Variants in DLG2 observed in about 807,000 individuals in gnomAD.
DLG2 encodes disks large homolog 2.
A neutral mutation model predicts 132.5 loss-of-function variants in DLG2; 45 were observed. That is an observed-to-expected ratio of 0.34 (90% CI 0.27 to 0.44). The LOEUF is 0.44. DLG2 is among the 20% of genes least tolerant of loss of function. The pLI is 1.00. For missense variants in DLG2, 1,045 were observed against 1,196.9 expected (o/e 0.87, Z 1.87); for synonymous variants, 424 against 419.6 (o/e 1.01, Z -0.13).
At chr11:83,542,544 C>T (rs1020905373) in intron 19 of DLG2, among the ~76,000 whole-genome samples, 2 of 152,146 alleles carry the variant, frequency 1.3e-5, no homozygotes, top group African/African-American at 4.8e-5. Flanking sequence ...CCATACGATG[C>T]CTAGCTTACC....
chr11:84,619,930 A>G (rs936942879), intron 6 of DLG2, among the ~76,000 whole-genome samples: 4 of 151,906 alleles, frequency 2.6e-5, no homozygotes, highest in African/African-American at 9.6e-5. Context: ...CCCAATAAGA[A>G]TTTTCACAAG....
intron 7 of DLG2, among the ~76,000 whole-genome samples, chr11:84,449,070 C>G (rs1204456710): frequency 6.6e-6 from 1 of 151,846 alleles, no homozygotes; most frequent in Non-Finnish European, 1.5e-5. Flanking sequence ...GTCATTGTAA[C>G]AAGTGTTCAA....
intron 4 of DLG2, among the ~76,000 whole-genome samples, chr11:85,226,212 A>G (rs918809051): frequency 6.6e-6 from 1 of 151,398 alleles, no homozygotes; most frequent in Non-Finnish European, 1.5e-5. Context: ...TGTTATATTT[A>G]ACAATATATG....
chr11:84,747,948 G>A (rs145913428), intron 6 of DLG2, among the ~76,000 whole-genome samples: 116 of 152,298 alleles, frequency 7.6e-4, no homozygotes, highest in African/African-American at 2.8e-3. Flanking sequence ...GACTAGACAA[G>A]TCATTTTCCC....
At chr11:85,441,984 A>C (rs2091802639) in intron 3 of DLG2, among the ~76,000 whole-genome samples, 1 of 152,126 alleles carries the variant, frequency 6.6e-6, no homozygotes, top group East Asian at 1.9e-4. Context: ...ATGAGAAGAA[A>C]ACCAGCCATG....
At chr11:85,285,858 G>T (rs1284613118) in intron 3 of DLG2, among the ~76,000 whole-genome samples, 1 of 151,840 alleles carries the variant, frequency 6.6e-6, no homozygotes, top group Non-Finnish European at 1.5e-5. Context: ...TGCAGAGGAT[G>T]ATGAAAATAT....
Position 83,589,364 on chromosome 11 carries a change from C to T in DLG2, c.1940+43847G>A, listed in dbSNP as rs1241621305. On this transcript the variant is annotated intron_variant, in intron 19 of 27. Transcript: ENST00000376104. ...CATTCTTAAAGAAAAGAATTTTCAA[C>T]CCAGAATTTCATATCCAGCCAAACT... Among the ~76,000 whole-genome samples the T allele has an allele frequency of 2.1e-3, 309 of 145,092 alleles. 1 individual carries two copies. The highest frequency in any genetic ancestry group is 3.6e-3 in the Non-Finnish European group (238 of 65,572).
At chr11:83,641,912 T>A (rs924307405) in intron 18 of DLG2, among the ~76,000 whole-genome samples, 7 of 149,760 alleles carry the variant, frequency 4.7e-5, no homozygotes, top group Non-Finnish European at 8.9e-5. Context: ...TGTGTGTGTG[T>A]GAGAGAGAGA....
chr11:85,552,826 T>C (rs1446158829), intron 3 of DLG2, among the ~76,000 whole-genome samples: 4 of 149,802 alleles, frequency 2.7e-5, no homozygotes, highest in Admixed American at 1.3e-4. Context: ...TAAATAGGAG[T>C]TCCAAGAGAG....
chr11:85,530,089 T>C (rs571397625), intron 3 of DLG2, among the ~76,000 whole-genome samples: 1 of 143,916 alleles, frequency 6.9e-6, no homozygotes, highest in South Asian at 2.4e-4. Flanking sequence ...CTCCACCTCA[T>C]GGGTTCAAGC....
intron 6 of DLG2, among the ~76,000 whole-genome samples, chr11:84,959,514 G>A (rs962958878): frequency 6.6e-6 from 1 of 152,132 alleles, no homozygotes; most frequent in Non-Finnish European, 1.5e-5. Flanking sequence ...TTCTTCAAGA[G>A]TGCTATGACT....
intron 20 of DLG2, among the ~76,000 whole-genome samples, chr11:83,536,560 G>A (rs369957129): frequency 0.024 from 3,213 of 131,980 alleles, 120 homozygotes; most frequent in African/African-American, 0.084. Context: ...TCTAAATAAC[G>A]TGGTGTTTTT....
At chr11:83,617,933 G>T (rs2061079216) in intron 19 of DLG2, among the ~76,000 whole-genome samples, 1 of 152,152 alleles carries the variant, frequency 6.6e-6, no homozygotes, top group Non-Finnish European at 1.5e-5. Context: ...GGAGGCAGAG[G>T]TTGCAGTGAG....
chr11:85,281,320 C>A (rs1318884904), intron 4 of DLG2, among the ~76,000 whole-genome samples: 2 of 151,836 alleles, frequency 1.3e-5, no homozygotes, highest in African/African-American at 4.8e-5. Context: ...CTTCAGAAGC[C>A]CATCTGATTT....
chr11:83,471,878 G>A (rs1458140267), intron 23 of DLG2, 151 bp from the exon 24 acceptor site: 6 of 630,834 alleles, frequency 9.5e-6, no homozygotes, highest in Admixed American at 2.7e-5. Flanking sequence ...CCTTGCATAG[G>A]GAAATTGATG....
intron 18 of DLG2, among the ~76,000 whole-genome samples, chr11:83,672,301 C>A (rs2076967346): frequency 6.6e-6 from 1 of 152,136 alleles, no homozygotes; most frequent in African/African-American, 2.4e-5. Context: ...TCTCCTGCCT[C>A]AGCCTCCCAA....
chr11:83,997,129 A>AT (rs1235097244), intron 11 of DLG2, among the ~76,000 whole-genome samples: 3 of 151,964 alleles, frequency 2.0e-5, no homozygotes, highest in Non-Finnish European at 4.4e-5. Flanking sequence ...AGTAAAAAAA[A>AT]AAAAATAAAA....
intron 6 of DLG2, among the ~76,000 whole-genome samples, chr11:84,963,512 C>G (rs967065580): frequency 3.3e-5 from 5 of 152,166 alleles, no homozygotes; most frequent in Admixed American, 1.3e-4. Context: ...GTTCCAGAGA[C>G]AGCCTACATT....
chr11:84,023,175 TG>T (rs1294888262), intron 11 of DLG2, among the ~76,000 whole-genome samples: 2 of 152,150 alleles, frequency 1.3e-5, no homozygotes, highest in Non-Finnish European at 2.9e-5. Context: ...TTAAGTAAAC[TG>T]TTTTGAAATA....
Sources: gnomAD v4.1 joint callset for allele counts (sites outside exome capture counted in the v4.1 genomes callset) on GRCh38, gnomAD v4.1.1 for gene constraint, MANE v1.5 for transcripts, NCBI Gene and HGNC (gene_info 2026-07-23, HGNC 2026-07-21) for gene names.